Variants in EPM2A observed in about 807,000 individuals in gnomAD.
The protein encoded by EPM2A is laforin.
Under a neutral mutation model 26.5 loss-of-function variants are expected in EPM2A, and 21 were observed. That is an observed-to-expected ratio of 0.79 (90% CI 0.56 to 1.14). The LOEUF (loss-of-function observed/expected upper bound fraction) is 1.14, where lower values mean the gene tolerates loss of function less well. Ranked by LOEUF, EPM2A falls within the 50% of genes most tolerant of loss-of-function variation. The pLI is 0.00. For missense variants in EPM2A, 458 were observed against 440.8 expected (o/e 1.04, Z -0.35); for synonymous variants, 217 against 177.6 (o/e 1.22, Z -1.76).
At chr6:145,717,037 CA>C (rs1269366015) in intron 1 of EPM2A, among the ~76,000 whole-genome samples, 1 of 152,142 alleles carries the variant, frequency 6.6e-6, no homozygotes, top group Non-Finnish European at 1.5e-5. Context: ...ACTTCTTCCA[CA>C]ACATTGCATA....
chr6:145,461,525 G>T (rs145986546), intron 4 of EPM2A, among the ~76,000 whole-genome samples: 2 of 152,228 alleles, frequency 1.3e-5, no homozygotes, highest in East Asian at 1.9e-4. Flanking sequence ...TCTCTGTAAG[G>T]TTTAATGACT....
intron 2 of EPM2A, among the ~76,000 whole-genome samples, chr6:145,525,822 T>C (rs1780263807): frequency 2.0e-5 from 3 of 152,188 alleles, no homozygotes; most frequent in South Asian, 4.1e-4. Context: ...TGACTTCTAA[T>C]ACTATGATGA....
intron 4 of EPM2A, among the ~76,000 whole-genome samples, chr6:145,446,859 T>C (rs1779134799): frequency 6.6e-6 from 1 of 152,170 alleles, no homozygotes; most frequent in Non-Finnish European, 1.5e-5. Flanking sequence ...GAAATCTTTG[T>C]CCTGAAATTC....
intron 2 of EPM2A, among the ~76,000 whole-genome samples, chr6:145,647,786 G>C (rs1351967609): frequency 6.6e-6 from 1 of 152,000 alleles, no homozygotes; most frequent in East Asian, 1.9e-4. Context: ...TATTCTAGAG[G>C]GTTCATTCAG....
intron 3 of EPM2A, 72 bp downstream of exon 3, chr6:145,635,173 T>C: frequency 1.9e-6 from 3 of 1,552,798 alleles, no homozygotes; most frequent in East Asian, 4.5e-5. Context: ...GATATTAAAT[T>C]ATAGATAGAC....
intron 4 of EPM2A, among the ~76,000 whole-genome samples, chr6:145,426,033 A>G (rs1778850390): frequency 6.6e-6 from 1 of 152,238 alleles, no homozygotes; most frequent in Non-Finnish European, 1.5e-5. Flanking sequence ...AATTTTTAAA[A>G]TTATGAATAA....
chr6:145,502,823 T>C (rs1779911312), intron 2 of EPM2A, among the ~76,000 whole-genome samples: 1 of 152,194 alleles, frequency 6.6e-6, no homozygotes, highest in African/African-American at 2.4e-5. Context: ...AATAAGAAAA[T>C]TAATATTTTG....
chr6:145,402,125 A>G (rs150600664), intron 4 of EPM2A, among the ~76,000 whole-genome samples: 116 of 152,266 alleles, frequency 7.6e-4, no homozygotes, highest in African/African-American at 2.6e-3. Flanking sequence ...AATTGCAAAG[A>G]GCTAGGTAGT....
In EPM2A at chr6:145,627,173, T is replaced by G. The variant is rs1424629662; in HGVS notation, c.*243A>C. The G allele has an allele frequency of 8.5e-6, 12 of 1,403,872 alleles. No individual in the cohort carries two copies. In the South Asian group the frequency reaches 1.7e-4, roughly 19 times the overall value. 87.0% of individuals were successfully genotyped at this position (1,403,872 alleles called of 1,614,324 possible). A position where few individuals can be genotyped will look rare whatever the true frequency, so the allele number is the denominator to read the frequency against. ...CTGCACGCATTACCCTTCTGTCTGA[T>G]GTACAGCCTAACTGCTTCGTGCTTC... On this transcript the variant is annotated 3_prime_UTR_variant, in exon 4 of 4. Coordinates refer to ENST00000367519, the MANE Select transcript of EPM2A (RefSeq NM_005670.4).
At chr6:145,526,838 G>A (rs757478555) in intron 2 of EPM2A, among the ~76,000 whole-genome samples, 25 of 151,748 alleles carry the variant, frequency 1.6e-4, no homozygotes, top group Non-Finnish European at 2.8e-4. Context: ...GAGTTCGTTC[G>A]TTCTTATTTT....
chr6:145,446,630 C>T (rs1779132325), intron 4 of EPM2A, among the ~76,000 whole-genome samples: 1 of 152,122 alleles, frequency 6.6e-6, no homozygotes, highest in Non-Finnish European at 1.5e-5. Flanking sequence ...GGTCTCACCT[C>T]CTTGGCAGGA....
intron 4 of EPM2A, among the ~76,000 whole-genome samples, chr6:145,388,652 T>C (rs1778295177): frequency 6.6e-6 from 1 of 152,176 alleles, no homozygotes; most frequent in African/African-American, 2.4e-5. Context: ...CTCCTAATGC[T>C]GTCCCTCCCC....
intron 4 of EPM2A, among the ~76,000 whole-genome samples, chr6:145,462,624 G>T (rs1306707178): frequency 2.0e-5 from 3 of 152,110 alleles, no homozygotes; most frequent in Non-Finnish European, 4.4e-5. Context: ...ATGTCAGTTG[G>T]AATTCTTATT....
chr6:145,576,349 T>A (rs1353700727), intron 2 of EPM2A, among the ~76,000 whole-genome samples: 2 of 147,240 alleles, frequency 1.4e-5, no homozygotes, highest in Non-Finnish European at 3.0e-5. Context: ...GAAAGATTAG[T>A]AGAAAATAGT....
intron 2 of EPM2A, among the ~76,000 whole-genome samples, chr6:145,509,789 A>G (rs954276875): frequency 6.6e-6 from 1 of 152,202 alleles, no homozygotes; most frequent in Non-Finnish European, 1.5e-5. Flanking sequence ...ACACACTGGC[A>G]AATTGGATTT....
intron 2 of EPM2A, among the ~76,000 whole-genome samples, chr6:145,677,767 C>A (rs552580823): frequency 6.6e-6 from 1 of 151,984 alleles, no homozygotes; most frequent in Admixed American, 6.6e-5. Flanking sequence ...CACTGCTCAA[C>A]AAAATAAAAG....
At chr6:145,687,869 G>A (rs954789063) in intron 1 of EPM2A, among the ~76,000 whole-genome samples, 1 of 151,890 alleles carries the variant, frequency 6.6e-6, no homozygotes, top group African/African-American at 2.4e-5. Context: ...ACAAGGTGCT[G>A]CACCACATCT....
At chr6:145,572,459 G>T (rs1217170759) in intron 2 of EPM2A, among the ~76,000 whole-genome samples, 1 of 152,150 alleles carries the variant, frequency 6.6e-6, no homozygotes, top group African/African-American at 2.4e-5. Context: ...GATGGATGCT[G>T]CTGTGCACGA....
At chr6:145,403,964 G>T (rs1778532049) in intron 4 of EPM2A, among the ~76,000 whole-genome samples, 1 of 152,028 alleles carries the variant, frequency 6.6e-6, no homozygotes, top group Non-Finnish European at 1.5e-5. Flanking sequence ...ATCTTAACTG[G>T]GGTGAGACGA....
Sources: allele counts gnomAD v4.1 joint callset (sites outside exome capture counted in the v4.1 genomes callset), GRCh38; gene constraint gnomAD v4.1.1; transcripts MANE v1.5; gene names NCBI Gene and HGNC (gene_info 2026-07-23, HGNC 2026-07-21).